The following EPB41L4B variants were observed in gnomAD, a reference collection of about 807,000 sequenced individuals.
The protein encoded by EPB41L4B is band 4.1-like protein 4B.
In EPB41L4B, 30 loss-of-function variants were observed where a neutral mutation model predicts 112.5. The ratio of observed to expected loss-of-function variants is 0.27; its 90% CI spans 0.20 to 0.36. The LOEUF is 0.36. Ranked by LOEUF, EPB41L4B falls within the 10% of genes least tolerant of loss-of-function variation. The probability of loss-of-function intolerance (pLI) is 1.00; values close to 1 mark genes in which losing one functional copy is unlikely to be tolerated. For missense variants in EPB41L4B, 1,024 were observed against 1,133.3 expected, an observed-to-expected ratio of 0.90 and a Z score of 1.38; for synonymous variants, 408 against 439.7, an observed-to-expected ratio of 0.93 and a Z score of 0.90.
intron 13 of EPB41L4B, among the ~76,000 whole-genome samples, chr9:109,248,604 C>T (rs979780380): frequency 7.2e-5 from 11 of 152,088 alleles, no homozygotes; most frequent in African/African-American, 1.2e-4. Context: ...GATCCTATTT[C>T]GATGGAATCT....
chr9:109,261,014 C>T (rs1029911499), intron 6 of EPB41L4B, among the ~76,000 whole-genome samples: 1 of 152,152 alleles, frequency 6.6e-6, no homozygotes, highest in Non-Finnish European at 1.5e-5. Context: ...TTGTCTCATT[C>T]GTGACACCCT....
At chr9:109,294,906 G>A (rs567709195) in intron 1 of EPB41L4B, among the ~76,000 whole-genome samples, 3 of 152,302 alleles carry the variant, frequency 2.0e-5, no homozygotes, top group African/African-American at 7.2e-5. Context: ...AAGGAGTTGG[G>A]GATTGGAGGG....
chr9:109,315,596 G>A (rs1163578904), intron 1 of EPB41L4B, among the ~76,000 whole-genome samples: 3 of 152,090 alleles, frequency 2.0e-5, no homozygotes, highest in African/African-American at 4.8e-5. Context: ...CAAAGCAGCC[G>A]GTTCCAACTC....
At chr9:109,195,558 T>C (rs887728376) in intron 20 of EPB41L4B, among the ~76,000 whole-genome samples, 1 of 152,232 alleles carries the variant, frequency 6.6e-6, no homozygotes, top group African/African-American at 2.4e-5. Flanking sequence ...TACACGTTCA[T>C]TCACCCACTT....
chr9:109,293,453 G>A (rs1053033993), intron 1 of EPB41L4B, among the ~76,000 whole-genome samples: 4 of 150,964 alleles, frequency 2.6e-5, no homozygotes, highest in Non-Finnish European at 5.9e-5. Flanking sequence ...CATGATCTCA[G>A]GTCACTGCAA....
chr9:109,311,381 C>A (rs1362653417), intron 1 of EPB41L4B, among the ~76,000 whole-genome samples: 1 of 152,128 alleles, frequency 6.6e-6, no homozygotes, highest in Non-Finnish European at 1.5e-5. Flanking sequence ...AACCACAGAG[C>A]TGAGGGATGC....
intron 1 of EPB41L4B, among the ~76,000 whole-genome samples, chr9:109,311,138 G>A (rs1349794500): frequency 6.6e-6 from 1 of 152,122 alleles, no homozygotes; most frequent in East Asian, 1.9e-4. Flanking sequence ...AAAACAGTGT[G>A]AATGTACATC....
chr9:109,216,884 C>G (rs531170535), intron 16 of EPB41L4B, 38 bp downstream of exon 16: 1 of 1,593,570 alleles, frequency 6.3e-7, no homozygotes, highest in Non-Finnish European at 8.6e-7. Flanking sequence ...CAGCATTGCT[C>G]CCCCTTCTCC....
chr9:109,293,544 G>A (rs918444174), intron 1 of EPB41L4B, among the ~76,000 whole-genome samples: 5 of 151,536 alleles, frequency 3.3e-5, no homozygotes, highest in South Asian at 2.1e-4. Flanking sequence ...CACCACGCTC[G>A]GCTAATTTTT....
At chr9:109,210,584 T>C (rs1282805547) in intron 17 of EPB41L4B, among the ~76,000 whole-genome samples, 1 of 152,240 alleles carries the variant, frequency 6.6e-6, no homozygotes, top group Non-Finnish European at 1.5e-5. Context: ...TTTTTGGACA[T>C]AAAATTCAAG....
At chr9:109,304,954 T>A (rs777212550) in intron 1 of EPB41L4B, among the ~76,000 whole-genome samples, 2 of 152,130 alleles carry the variant, frequency 1.3e-5, no homozygotes, top group Non-Finnish European at 2.9e-5. Flanking sequence ...CAGAGCCAGA[T>A]AGTAATGATG....
rs1237684906 is a variant in EPB41L4B at position 109,320,655 on chromosome 9, C to G, written c.-209G>C. The G allele has an allele frequency of 2.0e-5, 3 of 147,908 alleles. No homozygotes were observed. Among genetic ancestry groups the G allele is most frequent in the African/African-American group, 7.4e-5 (3 of 40,538 alleles). The allele number at this position is 147,908 out of a possible 1,614,324, so 9.2% of individuals were successfully genotyped here. A position where few individuals can be genotyped will look rare whatever the true frequency, so the allele number is the denominator to read the frequency against. ...CGGGGCGCGCCGGCCCGGCCAGCGC[C>G]GGCTGCGAGTGGCCGCAGGCGGGAG... On this transcript the variant is annotated 5_prime_UTR_variant, in exon 1 of 26. Coordinates refer to ENST00000374566, the MANE Select transcript of EPB41L4B (RefSeq NM_019114.5).
chr9:109,194,195 G>A (rs552856253), intron 21 of EPB41L4B, 25 bp downstream of exon 21: 18 of 1,603,952 alleles, frequency 1.1e-5, no homozygotes, highest in Middle Eastern at 1.7e-4. Context: ...GTGGCTGCTC[G>A]CCAGGGCTTT....
chr9:109,201,060 A>T (rs549432096), intron 19 of EPB41L4B, among the ~76,000 whole-genome samples: 1 of 152,360 alleles, frequency 6.6e-6, no homozygotes, highest in South Asian at 2.1e-4. Context: ...AAGGCATCAA[A>T]ACAAGTTGAG....
At chr9:109,191,548 C>T (rs1171492942) in intron 22 of EPB41L4B, among the ~76,000 whole-genome samples, 7 of 152,202 alleles carry the variant, frequency 4.6e-5, no homozygotes, top group African/African-American at 7.2e-5. Context: ...CCTCAGATCA[C>T]GGCATCTCCA....
At chr9:109,314,840 G>A (rs1837574090) in intron 1 of EPB41L4B, among the ~76,000 whole-genome samples, 1 of 152,138 alleles carries the variant, frequency 6.6e-6, no homozygotes, top group African/African-American at 2.4e-5. Context: ...ATAAGCCAGT[G>A]TGCCCATGGC....
intron 13 of EPB41L4B, among the ~76,000 whole-genome samples, chr9:109,249,745 T>C (rs192880381): frequency 1.3e-5 from 2 of 152,142 alleles, no homozygotes; most frequent in East Asian, 1.9e-4. Context: ...ATCCTAAAAA[T>C]GGGGTGAATC....
intron 24 of EPB41L4B, among the ~76,000 whole-genome samples, chr9:109,182,345 T>C (rs1339066589): frequency 6.6e-6 from 1 of 152,148 alleles, no homozygotes; most frequent in Non-Finnish European, 1.5e-5. Context: ...ATATGAGATA[T>C]CCAGACTAGG....
At chr9:109,302,613 G>A (rs1837012369) in intron 1 of EPB41L4B, among the ~76,000 whole-genome samples, 1 of 151,988 alleles carries the variant, frequency 6.6e-6, no homozygotes, top group African/African-American at 2.4e-5. Flanking sequence ...TGTCATCCCT[G>A]TCAGGATACT....
Sources: gnomAD v4.1 joint callset for allele counts (sites outside exome capture counted in the v4.1 genomes callset) on GRCh38, gnomAD v4.1.1 for gene constraint, MANE v1.5 for transcripts, NCBI Gene and HGNC (gene_info 2026-07-23, HGNC 2026-07-21) for gene names.